Variants in TENM1 observed in about 807,000 individuals in gnomAD.
TENM1 encodes the protein teneurin transmembrane protein 1.
Under a neutral mutation model 174.8 loss-of-function variants are expected in TENM1, and 35 were observed. That is an observed-to-expected ratio of 0.20 (90% CI 0.15 to 0.27). TENM1 has a LOEUF of 0.27. TENM1 is among the 10% of genes least tolerant of loss of function. TENM1 has a pLI of 1.00. For missense variants in TENM1, 1,633 were observed against 2,130.1 expected (o/e 0.77, Z 4.59); for synonymous variants, 781 against 798.7 (o/e 0.98, Z 0.37).
chrX:124,996,554 CA>C, the TENM1 span, among the ~76,000 whole-genome samples: 9 of 73,761 alleles, frequency 1.2e-4, no homozygotes, highest in African/African-American at 6.6e-4. Context: ...AAAAACCACA[CA>C]CACACACACA....
At chrX:124,771,271 C>T (rs1311641282) in intron 3 of TENM1, among the ~76,000 whole-genome samples, 3 of 112,447 alleles carry the variant, frequency 2.7e-5, no homozygotes, top group Non-Finnish European at 5.6e-5. Flanking sequence ...CACCTTCAGT[C>T]CCATAGATCA....
intron 3 of TENM1, among the ~76,000 whole-genome samples, chrX:124,792,099 A>T (rs1165361966): frequency 9.0e-6 from 1 of 111,700 alleles, no homozygotes; most frequent in Non-Finnish European, 1.9e-5. Context: ...GAAGTTTGCC[A>T]TTCTGAATCA....
chrX:125,109,201 A>G, the TENM1 span, among the ~76,000 whole-genome samples: 8 of 111,998 alleles, frequency 7.1e-5, no homozygotes, highest in South Asian at 2.6e-3. Context: ...ACACAGACGT[A>G]TGCATGCGCA....
intron 11 of TENM1, among the ~76,000 whole-genome samples, chrX:124,566,201 T>C (rs938751829): frequency 8.9e-6 from 1 of 111,942 alleles, no homozygotes; most frequent in African/African-American, 3.2e-5. Flanking sequence ...ATACAAAAGG[T>C]AAAGATGCCA....
chrX:124,908,940 C>T (rs1204221458), intron 1 of TENM1, among the ~76,000 whole-genome samples: 4 of 109,822 alleles, frequency 3.6e-5, no homozygotes, highest in African/African-American at 1.0e-4. Context: ...CTCACTGCAA[C>T]CTCCACCTCC....
chrX:124,842,814 G>T (rs957544688), intron 3 of TENM1, among the ~76,000 whole-genome samples: 1 of 110,638 alleles, frequency 9.0e-6, no homozygotes, highest in Non-Finnish European at 1.9e-5. Context: ...GTTTTGGGAG[G>T]GACATAATTT....
chrX:124,912,672 A>G (rs1372587537), intron 1 of TENM1, among the ~76,000 whole-genome samples: 1 of 111,778 alleles, frequency 8.9e-6, no homozygotes, highest in East Asian at 2.8e-4. Flanking sequence ...TCAATAAATA[A>G]AAGTCCAGTC....
At chrX:124,954,160 A>G (rs1216862110) in intron 1 of TENM1, among the ~76,000 whole-genome samples, 2 of 112,257 alleles carry the variant, frequency 1.8e-5, no homozygotes, top group Admixed American at 9.5e-5. Flanking sequence ...ATAGCAAATT[A>G]TTTAAATCAA....
chrX:125,075,789 A>G, the TENM1 span, among the ~76,000 whole-genome samples: 2 of 111,326 alleles, frequency 1.8e-5, no homozygotes, highest in African/African-American at 3.3e-5. Context: ...GTTTGACATA[A>G]TGGCTTACAG....
At chrX:125,095,250 C>T in the TENM1 span, among the ~76,000 whole-genome samples, 7 of 111,636 alleles carry the variant, frequency 6.3e-5, no homozygotes, top group Non-Finnish European at 1.1e-4. Flanking sequence ...GATTCAAAAT[C>T]TCAGTAATAC....
At chrX:124,400,708 G>C (rs953406036) in intron 27 of TENM1, among the ~76,000 whole-genome samples, 1 of 112,081 alleles carries the variant, frequency 8.9e-6, no homozygotes, top group Non-Finnish European at 1.9e-5. Flanking sequence ...TCATATGACA[G>C]CATTGTTATC....
intron 3 of TENM1, among the ~76,000 whole-genome samples, chrX:124,756,469 T>C (rs5958576): frequency 0.11 from 11,984 of 105,774 alleles, 905 homozygotes; most frequent in African/African-American, 0.27. Flanking sequence ...TTTGATCGTC[T>C]GAAGCCTTCT....
chrX:124,832,407 G>C (rs1234582980), intron 3 of TENM1, among the ~76,000 whole-genome samples: 1 of 112,208 alleles, frequency 8.9e-6, no homozygotes, highest in African/African-American at 3.2e-5. Context: ...AGGTGGTTAA[G>C]AGCTTGGGCT....
intron 3 of TENM1, among the ~76,000 whole-genome samples, chrX:124,839,228 T>C (rs1208421260): frequency 9.0e-6 from 1 of 110,650 alleles, no homozygotes; most frequent in African/African-American, 3.3e-5. Flanking sequence ...GTAAAAAGAG[T>C]TTTAGTAATT....
intron 16 of TENM1, among the ~76,000 whole-genome samples, chrX:124,524,421 A>G (rs1207560168): frequency 1.8e-5 from 2 of 112,355 alleles, no homozygotes; most frequent in Non-Finnish European, 1.9e-5. Flanking sequence ...CGTGTCAGAA[A>G]GCAGACAGTG....
In TENM1 at chrX:124,392,217, A is replaced by G. The variant is rs372299315; in HGVS notation, c.5523T>C (p.Pro1841=). 43 of 1,209,922 alleles carry G rather than the reference A, an allele frequency of 3.6e-5. No homozygotes were observed. In the African/African-American group the frequency reaches 5.2e-4, roughly 15 times the overall value. The change falls in exon 28 of 32, where the codon CCT becomes CCC. Residue 1841 remains proline, a synonymous_variant. Transcript: ENST00000422452. ...TGTTCACTTCATTATATCTGCTTAC[A>G]GGAGACCACAGAATGGGTCGCCCAG...
chrX:125,142,621 A>T, the TENM1 span, among the ~76,000 whole-genome samples: 1 of 111,313 alleles, frequency 9.0e-6, no homozygotes, highest in South Asian at 3.8e-4. Flanking sequence ...ACAACATGAC[A>T]TCTTTCCATT....
At chrX:124,471,103 C>G (rs1444126664) in intron 22 of TENM1, among the ~76,000 whole-genome samples, 3 of 88,094 alleles carry the variant, frequency 3.4e-5, no homozygotes, top group African/African-American at 1.3e-4. Context: ...AACTTTCTCT[C>G]TCTATATACA....
chrX:124,732,321 C>T (rs752580360), intron 4 of TENM1, among the ~76,000 whole-genome samples: 4 of 111,615 alleles, frequency 3.6e-5, no homozygotes, highest in Admixed American at 9.5e-5. Context: ...ACAGCATTAA[C>T]GAAAATACAT....
Sources: allele counts gnomAD v4.1 joint callset (sites outside exome capture counted in the v4.1 genomes callset), GRCh38; gene constraint gnomAD v4.1.1; transcripts MANE v1.5; gene names NCBI Gene and HGNC (gene_info 2026-07-23, HGNC 2026-07-21).